The following PAPPA variants were observed in gnomAD, a reference collection of about 807,000 sequenced individuals.
The protein encoded by PAPPA is pappalysin-1.
Under a neutral mutation model 164.0 loss-of-function variants are expected in PAPPA, and 60 were observed. The observed-to-expected ratio is 0.37, with a 90% CI of 0.30 to 0.45. The LOEUF (loss-of-function observed/expected upper bound fraction) is 0.45, where lower values mean the gene tolerates loss of function less well. Among genes scored for constraint, PAPPA ranks in the 20% least tolerant of loss-of-function variants. PAPPA has a pLI of 1.00. For missense variants in PAPPA, 1,782 were observed against 2,087.3 expected (o/e 0.85, Z 2.85); for synonymous variants, 875 against 814.1 (o/e 1.07, Z -1.27).
rs1236873179 is a variant in PAPPA at position 116,220,036 on chromosome 9, C to T, written c.2018C>T (p.Ala673Val). The change falls in exon 5 of 22, where the codon GCG becomes GTG. Residue 673 changes from alanine to valine, a missense_variant. Ala to Val is a moderately conservative substitution (Grantham distance 64). Coordinates refer to ENST00000328252, the MANE Select transcript of PAPPA (RefSeq NM_002581.5). ...YQGWQPSRKPAPVALAPQVLG... is the reference protein window; with the variant it reads ...YQGWQPSRKPVPVALAPQVLG... ...GGCTGGCAGCCCTCCAGGAAACCAG[C>T]GCCTGTTGCCCTCGCCCCCCAAGTT... 14 of 1,614,088 alleles carry T rather than the reference C, an allele frequency of 8.7e-6. No homozygotes were observed. The highest frequency in any genetic ancestry group is 4.5e-5 in the East Asian group (2 of 44,876).
At chr9:116,308,548 A>G (rs1483028679) in intron 10 of PAPPA, among the ~76,000 whole-genome samples, 1 of 152,248 alleles carries the variant, frequency 6.6e-6, no homozygotes, top group African/African-American at 2.4e-5. Flanking sequence ...TATAAGGGGC[A>G]GAACCAAGAT....
chr9:116,352,186 T>C (rs1319672274), intron 15 of PAPPA, among the ~76,000 whole-genome samples: 1 of 152,104 alleles, frequency 6.6e-6, no homozygotes, highest in Non-Finnish European at 1.5e-5. Flanking sequence ...AACACAATGC[T>C]GTCACTTCCA....
chr9:116,251,565 G>A (rs1027022089), intron 7 of PAPPA, among the ~76,000 whole-genome samples: 7 of 152,168 alleles, frequency 4.6e-5, no homozygotes, highest in African/African-American at 1.4e-4. Flanking sequence ...GGGGCCCTCC[G>A]TTGGACTCCC....
intron 2 of PAPPA, among the ~76,000 whole-genome samples, chr9:116,188,926 C>G (rs577846745): frequency 1.3e-5 from 2 of 152,196 alleles, no homozygotes; most frequent in African/African-American, 2.4e-5. Flanking sequence ...AAAGTACACT[C>G]TCTTACAGCA....
chr9:116,225,507 C>T (rs1318417206), intron 5 of PAPPA, among the ~76,000 whole-genome samples: 1 of 152,074 alleles, frequency 6.6e-6, no homozygotes, highest in Non-Finnish European at 1.5e-5. Context: ...TGAGATATTG[C>T]TATAGATTTA....
intron 9 of PAPPA, among the ~76,000 whole-genome samples, chr9:116,277,629 T>C (rs189715339): frequency 6.6e-6 from 1 of 152,356 alleles, no homozygotes; most frequent in East Asian, 1.9e-4. Flanking sequence ...GTTATAGATG[T>C]GTTTGCTACT....
intron 4 of PAPPA, among the ~76,000 whole-genome samples, chr9:116,216,906 T>A (rs1844380091): frequency 6.6e-6 from 1 of 152,026 alleles, no homozygotes; most frequent in African/African-American, 2.4e-5. Flanking sequence ...CATGCCCAGC[T>A]AATTTTTGTA....
chr9:116,213,209 G>T (rs961324951), intron 4 of PAPPA, among the ~76,000 whole-genome samples: 1 of 152,134 alleles, frequency 6.6e-6, no homozygotes, highest in Non-Finnish European at 1.5e-5. Context: ...TTACATTTCT[G>T]TTGAGGTTTT....
intron 1 of PAPPA, among the ~76,000 whole-genome samples, chr9:116,184,883 G>T (rs1489186124): frequency 6.6e-6 from 1 of 152,126 alleles, no homozygotes; most frequent in South Asian, 2.1e-4. Flanking sequence ...CTGTAGCAAG[G>T]TGCTGGAGAG....
intron 1 of PAPPA, among the ~76,000 whole-genome samples, chr9:116,174,856 AC>A (rs1843813173): frequency 1.3e-5 from 2 of 152,280 alleles, no homozygotes; most frequent in East Asian, 3.9e-4. Flanking sequence ...TCATGAAGTG[AC>A]CATGGATGAA....
intron 10 of PAPPA, among the ~76,000 whole-genome samples, chr9:116,329,374 T>A (rs1418020859): frequency 6.6e-6 from 1 of 152,160 alleles, no homozygotes; most frequent in Non-Finnish European, 1.5e-5. Flanking sequence ...AAATTACATA[T>A]GATGATGTAA....
intron 2 of PAPPA, among the ~76,000 whole-genome samples, chr9:116,198,671 C>T (rs181805332): frequency 2.0e-5 from 3 of 152,284 alleles, no homozygotes; most frequent in Admixed American, 1.3e-4. Context: ...AAGGATGATT[C>T]GTGTTAACCT....
chr9:116,397,630 A>G lies in PAPPA; in HGVS notation c.*1014A>G, dbSNP rs1846983009. On this transcript the variant is annotated 3_prime_UTR_variant, in exon 22 of 22. Transcript: ENST00000328252. ...ACCCTCATGGGTCCACATGGTGAGAAGTTAAGTTTCCTGTAAGTGGGCCTC... is the reference window on the plus strand; with the variant it reads ...ACCCTCATGGGTCCACATGGTGAGAGGTTAAGTTTCCTGTAAGTGGGCCTC... 1 of 152,614 alleles carries G rather than the reference A, an allele frequency of 6.6e-6. No individual in the cohort carries two copies. The highest frequency in any genetic ancestry group is 1.5e-5 in the Non-Finnish European group (1 of 68,032). 9.5% of individuals were successfully genotyped at this position (152,614 alleles called of 1,614,324 possible).
chr9:116,237,015 T>C (rs1175474861), intron 7 of PAPPA, among the ~76,000 whole-genome samples: 1 of 152,214 alleles, frequency 6.6e-6, no homozygotes, highest in Non-Finnish European at 1.5e-5. Flanking sequence ...CTATAGGCCT[T>C]TTGTGGCTCT....
intron 21 of PAPPA, among the ~76,000 whole-genome samples, chr9:116,391,441 TG>T (rs1475602430): frequency 6.6e-6 from 1 of 152,176 alleles, no homozygotes; most frequent in Non-Finnish European, 1.5e-5. Flanking sequence ...ACATGACTGT[TG>T]TCCCTCTCCA....
At chr9:116,173,401 C>T (rs1308970943) in intron 1 of PAPPA, among the ~76,000 whole-genome samples, 1 of 152,136 alleles carries the variant, frequency 6.6e-6, no homozygotes, top group Non-Finnish European at 1.5e-5. Flanking sequence ...AGACTTTAGT[C>T]CTGGCTCTGT....
At chr9:116,209,421 G>T (rs1411514365) in intron 3 of PAPPA, among the ~76,000 whole-genome samples, 1 of 152,128 alleles carries the variant, frequency 6.6e-6, no homozygotes, top group East Asian at 1.9e-4. Flanking sequence ...TATTAGAAAA[G>T]CAACTGAAAG....
intron 9 of PAPPA, among the ~76,000 whole-genome samples, chr9:116,272,719 C>T (rs970483682): frequency 6.6e-6 from 1 of 151,944 alleles, no homozygotes; most frequent in Non-Finnish European, 1.5e-5. Context: ...AATTTTCTCT[C>T]CTCTGTTGAT....
intron 7 of PAPPA, among the ~76,000 whole-genome samples, chr9:116,238,608 G>A (rs1844699582): frequency 6.6e-6 from 1 of 152,168 alleles, no homozygotes; most frequent in South Asian, 2.1e-4. Flanking sequence ...ATCATCAGTA[G>A]TGAGGTCGAC....
Sources: allele counts gnomAD v4.1 joint callset (sites outside exome capture counted in the v4.1 genomes callset), GRCh38; gene constraint gnomAD v4.1.1; transcripts MANE v1.5; gene names NCBI Gene and HGNC (gene_info 2026-07-23, HGNC 2026-07-21).